The following ANAPC1 variants were observed in gnomAD, a reference collection of about 807,000 sequenced individuals.
The protein encoded by ANAPC1 is anaphase-promoting complex subunit 1.
ANAPC1 carries 36 observed loss-of-function variants against 208.0 expected under a neutral mutation model. The observed-to-expected ratio is 0.17, with a 90% CI of 0.13 to 0.23. The LOEUF is 0.23. ANAPC1 is among the 10% of genes least tolerant of loss of function. ANAPC1 has a pLI of 1.00. For synonymous variants in ANAPC1, 378 were observed against 695.2 expected, an observed-to-expected ratio of 0.54 and a Z score of 7.18; for missense variants, 942 against 2,011.6, an observed-to-expected ratio of 0.47 and a Z score of 10.17.
intron 10 of ANAPC1, among the ~76,000 whole-genome samples, chr2:111,860,878 C>G (rs1305820619): frequency 6.6e-6 from 1 of 151,976 alleles, no homozygotes; most frequent in East Asian, 1.9e-4. Flanking sequence ...GGCCTATATA[C>G]TACATGTACA....
At chr2:111,867,122 C>A (rs572207381) in intron 7 of ANAPC1, among the ~76,000 whole-genome samples, 2 of 151,866 alleles carry the variant, frequency 1.3e-5, no homozygotes, top group African/African-American at 4.8e-5. Flanking sequence ...GAAACTACGT[C>A]TCTACTAAAA....
intron 14 of ANAPC1, 47 bp downstream of exon 14, chr2:111,850,729 T>A: frequency 1.3e-6 from 2 of 1,591,592 alleles, no homozygotes; most frequent in Non-Finnish European, 1.7e-6. Flanking sequence ...TAACCAAACT[T>A]CTTTAAAAAA....
chr2:111,884,024 G>T lies in ANAPC1; in HGVS notation c.-107C>A, dbSNP rs1261619688. On this transcript the variant is annotated 5_prime_UTR_variant, in exon 1 of 48. Coordinates refer to ENST00000341068, the MANE Select transcript of ANAPC1 (RefSeq NM_022662.4). ...GGGGCCGAGGAGGCCCGAGGGCAGC[G>T]GCGGGGTCCTTCACAGTGACTCTTG... 6.6e-6 allele frequency: 1 copy of T among 152,458 alleles called. No homozygotes were observed. The highest frequency in any genetic ancestry group is 1.5e-5 in the Non-Finnish European group (1 of 68,218). 9.4% of individuals were successfully genotyped at this position (152,458 alleles called of 1,614,324 possible).
Position 111,880,753 on chromosome 2 carries a change from G to A in ANAPC1, c.73C>T (p.Arg25Ter), listed in dbSNP as rs13023605. 6 of 1,613,738 alleles carry A rather than the reference G, an allele frequency of 3.7e-6. No individual in the cohort carries two copies. Among genetic ancestry groups the A allele is most frequent in the Non-Finnish European group, 5.1e-6 (6 of 1,179,830 alleles). The change falls in exon 2 of 48, where the codon CGA becomes TGA. Residue 25 changes from arginine (R) to a stop codon, truncating the protein, a stop_gained. Coordinates refer to ENST00000341068, the MANE Select transcript of ANAPC1 (RefSeq NM_022662.4). LOFTEE classifies it high-confidence loss of function. ...RDLQEFVPFG[R>*]DHCKHHPNAL... is the part of the protein sequence containing the mutation. ...TTAGGGTGGTGCTTGCAGTGGTCTC[G>A]ACCAAAAGGAACAAATTCCTGCAAA...
intron 6 of ANAPC1, among the ~76,000 whole-genome samples, chr2:111,870,955 C>G (rs894481297): frequency 6.9e-6 from 1 of 145,380 alleles, no homozygotes; most frequent in Non-Finnish European, 1.6e-5. Flanking sequence ...ATGCCTTTCC[C>G]CCAATTTATG....
chr2:111,846,365 G>GT (rs527691134), intron 16 of ANAPC1, among the ~76,000 whole-genome samples: 117 of 149,704 alleles, frequency 7.8e-4, no homozygotes, highest in African/African-American at 2.7e-3. Context: ...AGGCAATTAG[G>GT]TTACTTTCAC....
At chr2:111,773,719 G>A (rs1264035020) in intron 46 of ANAPC1, among the ~76,000 whole-genome samples, 2 of 151,972 alleles carry the variant, frequency 1.3e-5, no homozygotes, top group Non-Finnish European at 2.9e-5. Context: ...TCTAGGGAGG[G>A]AAAACAGCAT....
chr2:111,880,054 T>C (rs957916284), intron 2 of ANAPC1, among the ~76,000 whole-genome samples: 26 of 152,060 alleles, frequency 1.7e-4, no homozygotes, highest in Non-Finnish European at 2.9e-5. Flanking sequence ...ACAACAATCA[T>C]ACTACTGAAC....
At chr2:111,840,363 A>G (rs1168647012) in intron 17 of ANAPC1, among the ~76,000 whole-genome samples, 3 of 152,262 alleles carry the variant, frequency 2.0e-5, no homozygotes, top group Admixed American at 6.5e-5. Flanking sequence ...AGGACAAAAG[A>G]TAACAAGGGT....
At chr2:111,867,861 C>CTTA in intron 7 of ANAPC1, 162 bp downstream of exon 7, 1 of 472,596 alleles carries the variant, frequency 2.1e-6, no homozygotes, top group Non-Finnish European at 3.8e-6. Context: ...AACTGTTGAG[C>CTTA]AGTTAATACC....
chr2:111,841,478 G>T (rs1680762664), intron 17 of ANAPC1, among the ~76,000 whole-genome samples: 1 of 144,136 alleles, frequency 6.9e-6, no homozygotes. Context: ...AGCACGTCTT[G>T]TCGGAGGGAA....
Position 111,792,537 on chromosome 2 carries a change from C to G in ANAPC1, c.4537G>C (p.Glu1513Gln), listed in dbSNP as rs757789549. Residue 1513 changes from glutamate to glutamine, a missense_variant, in exon 38 of 48, where the codon GAA becomes CAA. Physicochemically the swap from Glu to Gln is conservative, Grantham distance 29. Coordinates refer to ENST00000341068, the MANE Select transcript of ANAPC1 (RefSeq NM_022662.4). ...AGCAGCACCACGCTCAGACAAGTTT[C>G]TAGGTTATGAGGACCTGTCTGTCAG... ...NASVTGPHNL[E>Q]TCLSVVLLSL... 6.2e-7 allele frequency: 1 copy of G among 1,613,684 alleles called. No homozygotes were observed. The highest frequency in any genetic ancestry group is 1.1e-5 in the South Asian group (1 of 90,992).
chr2:111,793,121 C>G (rs1182883799), intron 37 of ANAPC1, among the ~76,000 whole-genome samples: 16 of 152,150 alleles, frequency 1.1e-4, no homozygotes, highest in African/African-American at 3.9e-4. Context: ...TTTTCCTTTA[C>G]CTACACATAT....
chr2:111,846,886 A>T (rs1274304531), intron 16 of ANAPC1, among the ~76,000 whole-genome samples: 1 of 151,982 alleles, frequency 6.6e-6, no homozygotes, highest in Non-Finnish European at 1.5e-5. Flanking sequence ...TCCATATATT[A>T]TTATACTGCA....
chr2:111,870,352 C>G (rs1398609682), intron 6 of ANAPC1, among the ~76,000 whole-genome samples: 1 of 152,184 alleles, frequency 6.6e-6, no homozygotes, highest in Non-Finnish European at 1.5e-5. Flanking sequence ...TAAGCATTCC[C>G]CTTCCACCAC....
intron 21 of ANAPC1, among the ~76,000 whole-genome samples, chr2:111,831,027 A>G (rs1366371252): frequency 6.6e-6 from 1 of 152,244 alleles, no homozygotes; most frequent in Non-Finnish European, 1.5e-5. Context: ...TGGCACATTC[A>G]TGCAATAAAC....
intron 18 of ANAPC1, among the ~76,000 whole-genome samples, chr2:111,836,967 C>CAAA (rs35164122): frequency 7.4e-6 from 1 of 135,328 alleles, no homozygotes; most frequent in Non-Finnish European, 1.6e-5. Flanking sequence ...GACTCCGTCT[C>CAAA]AAAAAAAAAA....
Position 111,863,596 on chromosome 2 carries a change from A to G in ANAPC1, c.1052+79T>C. 2.9e-6 allele frequency: 4 copies of G among 1,387,396 alleles called. No homozygotes were observed. In the South Asian group the frequency reaches 5.3e-5, roughly 18 times the overall value. 85.9% of individuals were successfully genotyped at this position (1,387,396 alleles called of 1,614,324 possible). A position where few individuals can be genotyped will look rare whatever the true frequency, so the allele number is the denominator to read the frequency against. ...TCTCCCCTAAATATATTTCCCCTAAAAACAGCTGTCAACAGAAATTCTAAA... is the reference window on the plus strand; with the variant it reads ...TCTCCCCTAAATATATTTCCCCTAAGAACAGCTGTCAACAGAAATTCTAAA... On this transcript the variant is annotated intron_variant, in intron 9 of 47. Transcript: ENST00000341068.
At chr2:111,834,196 AG>A (rs1432412185) in intron 19 of ANAPC1, among the ~76,000 whole-genome samples, 5 of 152,232 alleles carry the variant, frequency 3.3e-5, no homozygotes, top group Non-Finnish European at 5.9e-5. Flanking sequence ...TCACTAAAAC[AG>A]GAAACTTACC....
Sources: allele counts gnomAD v4.1 joint callset (sites outside exome capture counted in the v4.1 genomes callset), GRCh38; gene constraint gnomAD v4.1.1; transcripts MANE v1.5; gene names NCBI Gene and HGNC (gene_info 2026-07-23, HGNC 2026-07-21).